Variants in DTX2 observed in about 807,000 individuals in gnomAD.
DTX2 encodes probable E3 ubiquitin-protein ligase DTX2.
A neutral mutation model predicts 55.3 loss-of-function variants in DTX2; 29 were observed. That is an observed-to-expected ratio of 0.52 (90% CI 0.39 to 0.71). DTX2 has a LOEUF of 0.71. Ranked by LOEUF, DTX2 falls within the 30% of genes least tolerant of loss-of-function variation. DTX2 has a pLI of 0.00. For synonymous variants in DTX2, 276 were observed against 340.4 expected, an observed-to-expected ratio of 0.81 and a Z score of 2.08; for missense variants, 537 against 822.5, an observed-to-expected ratio of 0.65 and a Z score of 4.25.
chr7:76,498,160 G>A (rs1236051761), intron 6 of DTX2, among the ~76,000 whole-genome samples: 7 of 152,326 alleles, frequency 4.6e-5, no homozygotes, highest in South Asian at 2.1e-4. Context: ...GAGGGTGGCC[G>A]TGGCCCTGCT....
chr7:76,482,143 C>T (rs866432589), intron 3 of DTX2, among the ~76,000 whole-genome samples: 18 of 151,756 alleles, frequency 1.2e-4, no homozygotes, highest in Admixed American at 2.0e-4. Context: ...AATTGCATAT[C>T]GTGGCAGAGA....
chr7:76,483,357 G>A (rs1012728829), intron 4 of DTX2, among the ~76,000 whole-genome samples: 3 of 152,228 alleles, frequency 2.0e-5, no homozygotes, highest in African/African-American at 4.8e-5. Context: ...GTCACCACAC[G>A]GGTTAGAATC....
intron 2 of DTX2, chr7:76,474,627 G>C (rs542843293): frequency 6.6e-6 from 1 of 151,992 alleles, no homozygotes; most frequent in Non-Finnish European, 1.5e-5. Flanking sequence ...GAAAGTAGCC[G>C]TGGCTCAGTA....
At chr7:76,464,993 G>A (rs1309615375) in intron 2 of DTX2, among the ~76,000 whole-genome samples, 3 of 150,554 alleles carry the variant, frequency 2.0e-5, no homozygotes, top group East Asian at 2.0e-4. Context: ...GCTGGAGAGC[G>A]GTGGTGCAAT....
chr7:76,491,914 A>G (rs1272540657), intron 4 of DTX2: 1 of 510,976 alleles, frequency 2.0e-6, no homozygotes, highest in Non-Finnish European at 3.6e-6. Flanking sequence ...GCCTCAAGTG[A>G]TCCTCCCACC....
At chr7:76,477,207 T>G (rs1808646267) in intron 2 of DTX2, 1 of 143,344 alleles carries the variant, frequency 7.0e-6, no homozygotes, top group African/African-American at 2.7e-5. Context: ...GTTGTGGGCT[T>G]TTGTCGGAGG....
At chr7:76,503,400 C>T in intron 8 of DTX2, 26 bp from the exon 9 acceptor site, 1 of 1,607,574 alleles carries the variant, frequency 6.2e-7, no homozygotes, top group Non-Finnish European at 8.5e-7. Flanking sequence ...ACTGCCAGCT[C>T]AGTGGGTTGC....
intron 4 of DTX2, among the ~76,000 whole-genome samples, chr7:76,484,351 A>C (rs1182706157): frequency 3.1e-5 from 3 of 96,592 alleles, no homozygotes; most frequent in Admixed American, 1.1e-4. Flanking sequence ...ATCTCGGGGG[A>C]AAAAAATAAA....
chr7:76,480,697 T>A lies in DTX2; in HGVS notation c.188T>A (p.Ile63Asn). ...GGGCTTGGGAGCCTGGCCCACAGCA[T>A]CCCCTTGGGCCAGGCAGACCCCTCG... is the stretch of plus-strand genomic sequence containing the variant. ...RFGLGSLAHS[I>N]PLGQADPSLA... The change falls in exon 3 of 11, where the codon ATC (isoleucine) becomes AAC (asparagine). Residue 63 changes from isoleucine (I) to asparagine (N), a missense_variant. Coordinates refer to ENST00000430490, the MANE Select transcript of DTX2 (RefSeq NM_001102594.3). 1 of 1,613,680 alleles carries A rather than the reference T, an allele frequency of 6.2e-7. No individual in the cohort carries two copies. Among genetic ancestry groups the A allele is most frequent in the Non-Finnish European group, 8.5e-7 (1 of 1,179,824 alleles).
intron 2 of DTX2, among the ~76,000 whole-genome samples, chr7:76,471,236 A>G (rs1486877460): frequency 7.7e-6 from 1 of 129,436 alleles, no homozygotes; most frequent in Non-Finnish European, 1.5e-5. Context: ...ATCTTGGCTC[A>G]CTGCAAACTC....
At position 76,482,926 on chromosome 7, in the gene DTX2, C is replaced by G. The variant is rs143934697; in HGVS notation, c.687C>G (p.His229Gln). ...TNLPAYPVPQ[H>Q]PPHRTASVFG... Reference sequence around the variant, plus strand: ...TCCCTGCATACCCCGTCCCCCAGCACCCCCCACACAGGACCGCTTCTGTGT... The same window carrying G: ...TCCCTGCATACCCCGTCCCCCAGCAGCCCCCACACAGGACCGCTTCTGTGT... Residue 229 changes from histidine to glutamine, a missense_variant, in exon 4 of 11, where the codon CAC (histidine) becomes CAG (glutamine). His to Gln is a conservative substitution (Grantham distance 24, BLOSUM62 0). This residue lies in a region of DTX2 where 301 missense variants were observed against 396.6 expected (regional missense o/e 0.76). Transcript: ENST00000430490. 6.2e-7 allele frequency: 1 copy of G among 1,613,590 alleles called. No homozygotes were observed. Among genetic ancestry groups the G allele is most frequent in the African/African-American group, 1.3e-5 (1 of 75,008 alleles).
chr7:76,479,857 C>T (rs1808970249), intron 2 of DTX2, among the ~76,000 whole-genome samples: 1 of 150,170 alleles, frequency 6.7e-6, no homozygotes, highest in South Asian at 2.1e-4. Context: ...AGAAGCTGGG[C>T]TGGTGACTAG....
At chr7:76,463,959 C>T (rs1453891543) in intron 2 of DTX2, among the ~76,000 whole-genome samples, 3 of 148,452 alleles carry the variant, frequency 2.0e-5, no homozygotes, top group East Asian at 2.0e-4. Context: ...GTCACGATTT[C>T]TGCATTTGAA....
chr7:76,501,435 C>T (rs969315484), intron 7 of DTX2: 1 of 354,134 alleles, frequency 2.8e-6, no homozygotes, highest in African/African-American at 2.1e-5. Flanking sequence ...GCCGTTTCAC[C>T]CCAGGCTCCT....
At chr7:76,474,515 G>T (rs3972782) in intron 2 of DTX2, 34,808 of 151,594 alleles carry the variant, frequency 0.23, 3,865 homozygotes, top group South Asian at 0.29. Flanking sequence ...CGGGACGGCA[G>T]AGGCAGGACA....
At chr7:76,466,345 AG>A (rs1807184146) in intron 2 of DTX2, among the ~76,000 whole-genome samples, 1 of 151,502 alleles carries the variant, frequency 6.6e-6, no homozygotes, top group Admixed American at 6.6e-5. Flanking sequence ...TAATAAATGT[AG>A]TAAGCTCTGG....
chr7:76,468,447 CATTTTT>C lies in DTX2; in HGVS notation c.-90+4739_-90+4744del, dbSNP rs1236268800. 7.0e-3 allele frequency among the ~76,000 whole-genome samples: 542 copies of C among 77,604 alleles called. 1 individual carries two copies. The highest frequency in any genetic ancestry group is 8.9e-3 in the Non-Finnish European group (360 of 40,424). 50.9% of individuals were successfully genotyped at this position (77,604 alleles called of 152,430 possible). On this transcript the variant is annotated intron_variant, in intron 2 of 10. Transcript: ENST00000430490. ...CCCTCAGCCAAATCTGGCCCACTGC[CATTTTT>C]TTTTTTTTTTTTTTTTTTTTTTTGA...
intron 2 of DTX2, among the ~76,000 whole-genome samples, chr7:76,475,341 C>G (rs1359850011): frequency 6.6e-6 from 1 of 151,314 alleles, no homozygotes; most frequent in African/African-American, 2.4e-5. Flanking sequence ...ACCCTTTGAT[C>G]ATTAAAAAGT....
chr7:76,467,992 AG>A (rs1327896272), intron 2 of DTX2, among the ~76,000 whole-genome samples: 2 of 152,290 alleles, frequency 1.3e-5, no homozygotes, highest in African/African-American at 4.8e-5. Context: ...GGGCATCCCG[AG>A]GACAGCTTTG....
Sources: gnomAD v4.1 joint callset for allele counts (sites outside exome capture counted in the v4.1 genomes callset) on GRCh38, gnomAD v4.1.1 for gene constraint, gnomAD v4.1.1 regional missense constraint, MANE v1.5 for transcripts, NCBI Gene and HGNC (gene_info 2026-07-23, HGNC 2026-07-21) for gene names.